The following TBL1X variants were observed in gnomAD, a reference collection of about 807,000 sequenced individuals.
The protein encoded by TBL1X is transducin beta like 1 X-linked.
TBL1X carries 10 observed loss-of-function variants against 50.7 expected under a neutral mutation model. That is an observed-to-expected ratio of 0.20 (90% CI 0.12 to 0.33). The LOEUF (loss-of-function observed/expected upper bound fraction) is 0.33. Among genes scored for constraint, TBL1X ranks in the 10% least tolerant of loss-of-function variants. TBL1X has a pLI of 1.00. For missense variants in TBL1X, 340 were observed against 504.4 expected (o/e 0.67, Z 3.12); for synonymous variants, 190 against 214.7 (o/e 0.88, Z 1.01).
At chrX:9,699,510 T>G (rs892105966) in intron 12 of TBL1X, among the ~76,000 whole-genome samples, 3 of 111,435 alleles carry the variant, frequency 2.7e-5, no homozygotes, top group African/African-American at 9.8e-5. Context: ...CAGGAGGAGA[T>G]CTGAGTGTCT....
intron 12 of TBL1X, among the ~76,000 whole-genome samples, 165 bp from the exon 13 acceptor site, chrX:9,704,828 A>G (rs1024533945): frequency 8.9e-6 from 1 of 112,283 alleles, no homozygotes; most frequent in Non-Finnish European, 1.9e-5. Context: ...GCGTTGAGCC[A>G]TGATCGCACC....
chrX:9,646,603 G>A (rs182609575), intron 3 of TBL1X, among the ~76,000 whole-genome samples: 3 of 111,445 alleles, frequency 2.7e-5, no homozygotes, highest in East Asian at 5.7e-4. Flanking sequence ...ACCCTGGCTC[G>A]GTCCAGTCTG....
intron 2 of TBL1X, among the ~76,000 whole-genome samples, chrX:9,562,958 T>G (rs1024142238): frequency 8.9e-6 from 1 of 112,380 alleles, no homozygotes; most frequent in Non-Finnish European, 1.9e-5. Flanking sequence ...TTATTCTACT[T>G]TCTGTCTATG....
intron 2 of TBL1X, among the ~76,000 whole-genome samples, chrX:9,517,361 C>T (rs866228657): frequency 9.0e-6 from 1 of 111,068 alleles, no homozygotes; most frequent in Admixed American, 9.6e-5. Context: ...CACCAAACCC[C>T]GACCTCCGAG....
chrX:9,644,885 T>G (rs2082795593), intron 3 of TBL1X: 1 of 111,845 alleles, frequency 8.9e-6, no homozygotes, highest in African/African-American at 3.3e-5. Context: ...CTCAAACTCC[T>G]GGCCTCAAGT....
chrX:9,708,376 AGCATTTGCCTCTCACTTGTGTT>A (rs2083222932), intron 13 of TBL1X, among the ~76,000 whole-genome samples: 1 of 112,471 alleles, frequency 8.9e-6, no homozygotes, highest in Admixed American at 9.4e-5. Context: ...TGTGCCACTC[AGCATTTGCCTCTCACTTGTGTT>A]GCACATGTGT....
chrX:9,595,346 A>G (rs778068905), intron 2 of TBL1X, among the ~76,000 whole-genome samples: 3 of 112,402 alleles, frequency 2.7e-5, no homozygotes, highest in Non-Finnish European at 5.6e-5. Flanking sequence ...CTGGCCATCC[A>G]TCAGTCAGGT....
intron 3 of TBL1X, among the ~76,000 whole-genome samples, chrX:9,648,322 T>C (rs2082815885): frequency 8.9e-6 from 1 of 112,295 alleles, no homozygotes; most frequent in African/African-American, 3.2e-5. Context: ...CCAAACTCCA[T>C]GTTATTTGTC....
chrX:9,623,292 A>G (rs754594752), intron 2 of TBL1X, among the ~76,000 whole-genome samples: 1 of 112,274 alleles, frequency 8.9e-6, no homozygotes, highest in Non-Finnish European at 1.9e-5. Flanking sequence ...TTCACTTTAC[A>G]TAGTTGAAGT....
At chrX:9,541,317 CAAA>C (rs143712412) in intron 2 of TBL1X, among the ~76,000 whole-genome samples, 17 of 99,837 alleles carry the variant, frequency 1.7e-4, no homozygotes, top group Admixed American at 2.2e-4. Context: ...CTCCAGTGAC[CAAA>C]AAAAAAAAAA....
intron 5 of TBL1X, among the ~76,000 whole-genome samples, chrX:9,678,949 A>G: frequency 9.0e-6 from 1 of 111,450 alleles, no homozygotes. Flanking sequence ...CCAAATGGAC[A>G]GGACTTTACA....
At chrX:9,612,265 T>A (rs1425335000) in intron 2 of TBL1X, among the ~76,000 whole-genome samples, 1 of 111,418 alleles carries the variant, frequency 9.0e-6, no homozygotes, top group Non-Finnish European at 1.9e-5. Context: ...ACAGGAAGAA[T>A]CATGTGGCCT....
At chrX:9,710,493 C>T (rs1439564278) in intron 15 of TBL1X, among the ~76,000 whole-genome samples, 1 of 111,581 alleles carries the variant, frequency 9.0e-6, no homozygotes, top group Non-Finnish European at 1.9e-5. Context: ...ACTACACACT[C>T]GAGTTGTTTT....
intron 5 of TBL1X, among the ~76,000 whole-genome samples, chrX:9,660,989 G>A (rs2082895109): frequency 8.9e-6 from 1 of 112,100 alleles, no homozygotes; most frequent in South Asian, 3.7e-4. Flanking sequence ...ACGGTGAGAA[G>A]GCACCATCTA....
At chrX:9,646,001 G>A (rs1427052922) in intron 3 of TBL1X, among the ~76,000 whole-genome samples, 3 of 112,341 alleles carry the variant, frequency 2.7e-5, no homozygotes, top group Non-Finnish European at 5.6e-5. Flanking sequence ...AGCTTCGCTG[G>A]GATTTAAGTT....
intron 5 of TBL1X, among the ~76,000 whole-genome samples, chrX:9,682,678 C>G (rs1038217863): frequency 4.5e-5 from 5 of 111,824 alleles, no homozygotes; most frequent in African/African-American, 1.3e-4. Context: ...GGCACTGATA[C>G]GGAAGCAGAG....
Position 9,693,181 on chromosome X carries a change from T to C in TBL1X, c.924T>C (p.Tyr308=). The change falls in exon 10 of 18, where the codon TAT becomes TAC. Residue 308 remains tyrosine (Y), a synonymous_variant. Coordinates refer to ENST00000645353, the MANE Select transcript of TBL1X (RefSeq NM_005647.4). Reference sequence around the variant, plus strand: ...GAACACTCTTGGCTACGGGTTCATATGACGGTTTTGCAAGAATATGGACGG... The same window carrying C: ...GAACACTCTTGGCTACGGGTTCATACGACGGTTTTGCAAGAATATGGACGG... ...TNGTLLATGS[Y]DGFARIWTED... is the part of the protein sequence containing the mutation. 2 of 1,211,668 alleles carry C rather than the reference T, an allele frequency of 1.7e-6. No individual in the cohort carries two copies. The highest frequency in any genetic ancestry group is 2.2e-6 in the Non-Finnish European group (2 of 895,535).
At chrX:9,583,060 G>A (rs1006846099) in intron 2 of TBL1X, among the ~76,000 whole-genome samples, 3 of 112,375 alleles carry the variant, frequency 2.7e-5, no homozygotes, top group African/African-American at 6.5e-5. Flanking sequence ...TTGCCTTAAC[G>A]AAAAGACCAC....
At chrX:9,710,238 A>C (rs1245229273) in intron 15 of TBL1X, among the ~76,000 whole-genome samples, 1 of 81,087 alleles carries the variant, frequency 1.2e-5, no homozygotes, top group Non-Finnish European at 2.3e-5. Context: ...AAAAAAAAAC[A>C]GAAGAAGAAA....
Sources: gnomAD v4.1 joint callset for allele counts (sites outside exome capture counted in the v4.1 genomes callset) on GRCh38, gnomAD v4.1.1 for gene constraint, MANE v1.5 for transcripts, NCBI Gene and HGNC (gene_info 2026-07-23, HGNC 2026-07-21) for gene names.